GABRB1: variants seen among roughly 807,000 people sequenced by gnomAD.
The protein encoded by GABRB1 is gamma-aminobutyric acid receptor subunit beta-1.
A neutral mutation model predicts 51.6 loss-of-function variants in GABRB1; 17 were observed. The ratio of observed to expected loss-of-function variants is 0.33; its 90% confidence interval spans 0.23 to 0.49. The LOEUF is 0.49. GABRB1 is among the 20% of genes least tolerant of loss of function. The pLI is 0.99. For synonymous variants in GABRB1, 247 were observed against 218.9 expected, an observed-to-expected ratio of 1.13 and a Z score of -1.14; for missense variants, 410 against 600.6, an observed-to-expected ratio of 0.68 and a Z score of 3.32.
intron 1 of GABRB1, among the ~76,000 whole-genome samples, chr4:47,005,580 C>A (rs935349812): frequency 2.0e-5 from 3 of 151,108 alleles, no homozygotes; most frequent in Non-Finnish European, 2.9e-5. Context: ...TAAAGCAATG[C>A]AAACATTTCA....
At chr4:47,338,790 C>T (rs1284560008) in intron 5 of GABRB1, among the ~76,000 whole-genome samples, 1 of 152,136 alleles carries the variant, frequency 6.6e-6, no homozygotes, top group Non-Finnish European at 1.5e-5. Flanking sequence ...CTTCCTAATT[C>T]CCAGGAAAGA....
At chr4:46,993,714 T>C, upstream of GABRB1, 1 of 327,306 alleles carries the variant, frequency 3.1e-6, no homozygotes. Context: ...GGTTCTGGGG[T>C]TCGTATCCGC....
At chr4:47,170,327 A>G (rs1470599470) in intron 4 of GABRB1, among the ~76,000 whole-genome samples, 1 of 151,980 alleles carries the variant, frequency 6.6e-6, no homozygotes, top group East Asian at 1.9e-4. Flanking sequence ...CTTAGTCTTC[A>G]TGATAAAGCA....
At chr4:47,178,777 T>C (rs906787792) in intron 4 of GABRB1, among the ~76,000 whole-genome samples, 1 of 152,144 alleles carries the variant, frequency 6.6e-6, no homozygotes, top group Non-Finnish European at 1.5e-5. Context: ...AAGAACTTTA[T>C]TTCCTGCTAA....
chr4:47,037,868 C>G (rs1725666428), intron 3 of GABRB1, among the ~76,000 whole-genome samples: 1 of 152,072 alleles, frequency 6.6e-6, no homozygotes, highest in African/African-American at 2.4e-5. Flanking sequence ...ATACCTTACT[C>G]AGAAGTTACA....
intron 4 of GABRB1, among the ~76,000 whole-genome samples, chr4:47,284,126 T>C (rs1482196128): frequency 7.1e-5 from 10 of 141,618 alleles, no homozygotes; most frequent in Middle Eastern, 3.8e-3. Context: ...AAAAAGGAAG[T>C]CCCATTTTCC....
At chr4:47,140,746 G>T (rs1577945148) in intron 3 of GABRB1, among the ~76,000 whole-genome samples, 2 of 149,196 alleles carry the variant, frequency 1.3e-5, no homozygotes, top group Admixed American at 6.7e-5. Flanking sequence ...TTCCTGTGTG[G>T]TTAAGAGTTG....
At chr4:47,097,143 C>T (rs1577905322) in intron 3 of GABRB1, among the ~76,000 whole-genome samples, 1 of 152,178 alleles carries the variant, frequency 6.6e-6, no homozygotes, top group East Asian at 1.9e-4. Context: ...TACTCAAGTG[C>T]CTTCCTACCT....
At chr4:47,114,338 A>T (rs1463935217) in intron 3 of GABRB1, among the ~76,000 whole-genome samples, 1 of 152,078 alleles carries the variant, frequency 6.6e-6, no homozygotes, top group Non-Finnish European at 1.5e-5. Flanking sequence ...GATTCATTTC[A>T]AAGACAGCAA....
chr4:47,318,045 T>C (rs899630042), intron 4 of GABRB1, among the ~76,000 whole-genome samples: 1 of 152,040 alleles, frequency 6.6e-6, no homozygotes, highest in Non-Finnish European at 1.5e-5. Context: ...AGTAAAGCTA[T>C]TAAAATATTT....
chr4:47,350,218 T>TATATAG (rs750199965), intron 5 of GABRB1, among the ~76,000 whole-genome samples: 138 of 56,602 alleles, frequency 2.4e-3, no homozygotes, highest in Middle Eastern at 0.013. Context: ...TATATATATA[T>TATATAG]AGAGAGAGAG....
At chr4:47,355,636 A>G (rs572124984) in intron 5 of GABRB1, among the ~76,000 whole-genome samples, 64 of 152,348 alleles carry the variant, frequency 4.2e-4, no homozygotes, top group African/African-American at 1.5e-3. Flanking sequence ...GTCTTTGGCT[A>G]TAACTATTAC....
At chr4:47,166,150 G>A (rs994977291) in intron 4 of GABRB1, among the ~76,000 whole-genome samples, 2 of 152,020 alleles carry the variant, frequency 1.3e-5, no homozygotes, top group African/African-American at 4.8e-5. Context: ...CATATCTGAG[G>A]CATTTCAAGC....
chr4:47,294,669 T>A (rs1723895657), intron 4 of GABRB1, among the ~76,000 whole-genome samples: 1 of 152,220 alleles, frequency 6.6e-6, no homozygotes, highest in South Asian at 2.1e-4. Context: ...GCTCCACCTC[T>A]GGGGGCAGGA....
At chr4:47,000,019 A>G (rs572496778) in intron 1 of GABRB1, among the ~76,000 whole-genome samples, 82 of 152,282 alleles carry the variant, frequency 5.4e-4, no homozygotes, top group African/African-American at 1.9e-3. Context: ...GTACAGGGAG[A>G]CAGATTTGAG....
At chr4:47,129,197 C>T (rs187228587) in intron 3 of GABRB1, among the ~76,000 whole-genome samples, 1 of 151,976 alleles carries the variant, frequency 6.6e-6, no homozygotes, top group Admixed American at 6.6e-5. Flanking sequence ...ATATATTGCA[C>T]AATCTTTGAG....
chr4:47,232,526 T>A (rs1037935284), intron 4 of GABRB1, among the ~76,000 whole-genome samples: 3 of 152,214 alleles, frequency 2.0e-5, no homozygotes, highest in Admixed American at 6.5e-5. Flanking sequence ...TATCTTTTGA[T>A]GAGAACTCTA....
chr4:47,152,155 T>A (rs777649902), intron 3 of GABRB1, among the ~76,000 whole-genome samples: 2 of 152,016 alleles, frequency 1.3e-5, no homozygotes, highest in Non-Finnish European at 2.9e-5. Context: ...GATTATTAAT[T>A]ATTTTAGTTA....
At chr4:47,286,824 C>G (rs973526779) in intron 4 of GABRB1, among the ~76,000 whole-genome samples, 1 of 152,090 alleles carries the variant, frequency 6.6e-6, no homozygotes, top group Non-Finnish European at 1.5e-5. Flanking sequence ...TATGATTGCA[C>G]AAACAAGAAT....
Sources: gnomAD v4.1 joint callset for allele counts (sites outside exome capture counted in the v4.1 genomes callset) on GRCh38, gnomAD v4.1.1 for gene constraint, MANE v1.5 for transcripts, NCBI Gene and HGNC (gene_info 2026-07-23, HGNC 2026-07-21) for gene names.